CSMD2: variants seen among roughly 807,000 people sequenced by gnomAD.
The protein encoded by CSMD2 is CUB and Sushi multiple domains 2, also known as CUB and sushi domain-containing protein 2.
Under a neutral mutation model 398.5 loss-of-function variants are expected in CSMD2, and 130 were observed. The ratio of observed to expected loss-of-function variants is 0.33; its 90% CI spans 0.28 to 0.38. The LOEUF (loss-of-function observed/expected upper bound fraction) is 0.38. CSMD2 is among the 10% of genes least tolerant of loss of function. The pLI is 1.00. For synonymous variants in CSMD2, 1,828 were observed against 1,908.5 expected (o/e 0.96, Z 1.10); for missense variants, 3,829 against 4,764.9 (o/e 0.80, Z 5.78).
chr1:33,568,648 T>C (rs1659296253), intron 52 of CSMD2, among the ~76,000 whole-genome samples: 1 of 152,192 alleles, frequency 6.6e-6, no homozygotes, highest in African/African-American at 2.4e-5. Flanking sequence ...AGGTGAATTC[T>C]TTTTATTATA....
At chr1:33,766,859 C>T (rs1164688336) in intron 13 of CSMD2, among the ~76,000 whole-genome samples, 2 of 152,178 alleles carry the variant, frequency 1.3e-5, no homozygotes, top group African/African-American at 2.4e-5. Flanking sequence ...GATGGAAAGA[C>T]CATACGTTTT....
At chr1:33,617,349 GCATGAACAGCTC>G (rs1373035021) in intron 38 of CSMD2, 138 bp downstream of exon 38, 3 of 628,708 alleles carry the variant, frequency 4.8e-6, no homozygotes, top group Non-Finnish European at 5.7e-6. Context: ...TTTATCTTTT[GCATGAACAGCTC>G]CAGGAGAGGA....
intron 5 of CSMD2, among the ~76,000 whole-genome samples, chr1:33,899,631 A>G (rs1238568697): frequency 6.6e-6 from 1 of 152,194 alleles, no homozygotes; most frequent in African/African-American, 2.4e-5. Flanking sequence ...TCCCACTGGA[A>G]GGGAATCTGT....
chr1:33,519,961 C>A lies in CSMD2; in HGVS notation c.10598-11G>T, dbSNP rs774604284. ...CCAGCAGCCTGAGGTCTGTAAAGTCCCAAAGCAGAAAAGTCAAGTCACGAG... is the reference window on the plus strand; with the variant it reads ...CCAGCAGCCTGAGGTCTGTAAAGTCACAAAGCAGAAAAGTCAAGTCACGAG... On this transcript the variant is annotated splice_polypyrimidine_tract_variant and intron_variant, in intron 68 of 70. Coordinates refer to ENST00000373381, the MANE Select transcript of CSMD2 (RefSeq NM_001281956.2). The surrounding 1 kb of genome is among the most constrained non-coding windows in gnomAD (Gnocchi z 5.6). The A allele has an allele frequency of 1.2e-6, 2 of 1,613,370 alleles. No homozygotes were observed. Among genetic ancestry groups the A allele is most frequent in the Admixed American group, 1.7e-5 (1 of 60,026 alleles).
chr1:33,765,223 T>G (rs1650342599), intron 13 of CSMD2, among the ~76,000 whole-genome samples: 1 of 152,248 alleles, frequency 6.6e-6, no homozygotes, highest in South Asian at 2.1e-4. Flanking sequence ...ATTCTAAAAT[T>G]AATCTTGAAC....
At chr1:33,544,279 T>C (rs1188137026) in intron 57 of CSMD2, among the ~76,000 whole-genome samples, 18 of 150,818 alleles carry the variant, frequency 1.2e-4, no homozygotes. Context: ...GCTAATTTTT[T>C]TTTTTTTTTT....
chr1:33,609,751 C>T (rs184359367), intron 41 of CSMD2, among the ~76,000 whole-genome samples: 27 of 151,750 alleles, frequency 1.8e-4, no homozygotes, highest in Admixed American at 1.5e-3. Context: ...ATATATATAC[C>T]GAGAAAAGCG....
intron 60 of CSMD2, among the ~76,000 whole-genome samples, chr1:33,539,539 T>C (rs921866586): frequency 1.3e-5 from 2 of 152,206 alleles, no homozygotes; most frequent in African/African-American, 4.8e-5. Context: ...CTAGAAAATG[T>C]ATACATATCA....
At chr1:33,920,848 G>A (rs1643912372) in intron 4 of CSMD2, among the ~76,000 whole-genome samples, 1 of 152,216 alleles carries the variant, frequency 6.6e-6, no homozygotes, top group Non-Finnish European at 1.5e-5. Context: ...GCTAAGACCA[G>A]GTGGTAACAG....
chr1:33,525,057 G>T lies in CSMD2; in HGVS notation c.10235-14C>A. 1.2e-6 allele frequency: 2 copies of T among 1,613,864 alleles called. No individual in the cohort carries two copies. Among genetic ancestry groups the T allele is most frequent in the Non-Finnish European group, 8.5e-7 (1 of 1,179,854 alleles). ...CATCCCCAGGAACTAGAGGAATTGA[G>T]AAATAGATGTGAGAGGGACTTTGTG... On this transcript the variant is annotated splice_polypyrimidine_tract_variant and intron_variant, in intron 65 of 70. Coordinates refer to ENST00000373381, the MANE Select transcript of CSMD2 (RefSeq NM_001281956.2).
rs1646590636 is a variant in CSMD2, at chr1:33,727,871, GGAT to G, written c.2369-1189_2369-1187del. ...CACACCTCCCCAAGGCTGATGATGA[GGAT>G]GATGATGACATCCACTATTACTGCT... On this transcript the variant is annotated intron_variant, in intron 15 of 70. Transcript: ENST00000373381. Among the ~76,000 whole-genome samples the G allele has an allele frequency of 2.6e-5, 4 of 152,186 alleles. No homozygotes were observed. In the South Asian group the frequency reaches 6.2e-4, roughly 24 times the overall value.
chr1:33,538,847 T>G (rs944552391), intron 60 of CSMD2, among the ~76,000 whole-genome samples: 27 of 152,316 alleles, frequency 1.8e-4, no homozygotes, highest in Admixed American at 1.6e-3. Flanking sequence ...CATTAACTGC[T>G]GTGGGGAATG....
At chr1:33,660,416 A>G (rs546945622) in intron 26 of CSMD2, among the ~76,000 whole-genome samples, 1 of 152,284 alleles carries the variant, frequency 6.6e-6, no homozygotes, top group Non-Finnish European at 1.5e-5. Context: ...TCCACGTGGT[A>G]CAGACAGGAT....
chr1:34,005,787 C>T (rs1377422391), intron 3 of CSMD2, among the ~76,000 whole-genome samples: 1 of 152,220 alleles, frequency 6.6e-6, no homozygotes. Flanking sequence ...TCCTCTGATA[C>T]CTCAGATTTG....
intron 9 of CSMD2, among the ~76,000 whole-genome samples, chr1:33,816,608 G>C (rs1053735103): frequency 2.0e-5 from 3 of 152,200 alleles, no homozygotes; most frequent in African/African-American, 4.8e-5. Context: ...GACTCTGCCT[G>C]TATCTGGGGC....
intron 3 of CSMD2, among the ~76,000 whole-genome samples, chr1:34,005,911 A>T (rs902582880): frequency 6.6e-6 from 1 of 152,226 alleles, no homozygotes; most frequent in Non-Finnish European, 1.5e-5. Flanking sequence ...GCCTGAGGTC[A>T]GAAATGACAC....
At chr1:33,691,503 A>G (rs986973947) in intron 25 of CSMD2, among the ~76,000 whole-genome samples, 5 of 152,250 alleles carry the variant, frequency 3.3e-5, no homozygotes, top group Non-Finnish European at 5.9e-5. Flanking sequence ...AACTGTGTAC[A>G]TAAGTGAATA....
chr1:34,082,392 A>G (rs528628707), intron 2 of CSMD2, among the ~76,000 whole-genome samples: 90 of 148,230 alleles, frequency 6.1e-4, no homozygotes, highest in Admixed American at 1.6e-3. Context: ...GACCCCGCCC[A>G]GCAGCCGCCC....
At chr1:33,997,362 C>A (rs1326028143) in intron 3 of CSMD2, among the ~76,000 whole-genome samples, 1 of 152,200 alleles carries the variant, frequency 6.6e-6, no homozygotes, top group Non-Finnish European at 1.5e-5. Context: ...CGGGTGCCTG[C>A]GTGTCCTTAG....
Sources: allele counts gnomAD v4.1 joint callset (sites outside exome capture counted in the v4.1 genomes callset), GRCh38; gene constraint gnomAD v4.1.1; non-coding constraint Gnocchi (gnomAD v3.1); transcripts MANE v1.5; gene names NCBI Gene and HGNC (gene_info 2026-07-23, HGNC 2026-07-21).